Variants in PCDHA7 observed in about 807,000 individuals in gnomAD.
The protein encoded by PCDHA7 is protocadherin alpha 7.
In PCDHA7, 37 loss-of-function variants were observed where a neutral mutation model predicts 57.2. That is an observed-to-expected ratio of 0.65 (90% CI 0.50 to 0.85). The LOEUF (loss-of-function observed/expected upper bound fraction) is 0.85, where lower values mean the gene tolerates loss of function less well. Among genes scored for constraint, PCDHA7 ranks in the 40% least tolerant of loss-of-function variants. The probability of loss-of-function intolerance (pLI) is 0.00; values close to 1 mark genes in which losing one functional copy is unlikely to be tolerated. For missense variants in PCDHA7, 1,188 were observed against 1,241.8 expected (o/e 0.96, Z 0.65); for synonymous variants, 553 against 558.8 (o/e 0.99, Z 0.15).
chr5:140,920,530 G>T (rs2079676121), intron 1 of PCDHA7, among the ~76,000 whole-genome samples: 1 of 152,148 alleles, frequency 6.6e-6, no homozygotes, highest in African/African-American at 2.4e-5. Context: ...GTTAGACTCA[G>T]GTTTTCTATT....
chr5:140,925,427 G>A (rs1394500937), intron 1 of PCDHA7, among the ~76,000 whole-genome samples: 2 of 152,012 alleles, frequency 1.3e-5, no homozygotes, highest in Non-Finnish European at 2.9e-5. Context: ...CTGGTTGTAG[G>A]GTGTTAGGCA....
chr5:140,868,994 A>C, intron 1 of PCDHA7: 1 of 1,510,848 alleles, frequency 6.6e-7, no homozygotes, highest in Non-Finnish European at 8.8e-7. Context: ...GCCACCGTTT[A>C]AGGATCCTTT....
intron 1 of PCDHA7, chr5:140,852,359 C>T (rs2042307858): frequency 1.5e-5 from 3 of 204,042 alleles, no homozygotes; most frequent in Non-Finnish European, 1.9e-5. Flanking sequence ...CTCACTGCAA[C>T]GTCTGCCTCC....
intron 1 of PCDHA7, among the ~76,000 whole-genome samples, chr5:140,906,117 C>A (rs1554192403): frequency 6.6e-6 from 1 of 152,180 alleles, no homozygotes; most frequent in Non-Finnish European, 1.5e-5. Flanking sequence ...AGTCCACTGA[C>A]ACAAATGTTA....
chr5:140,856,592 A>G lies in PCDHA7; in HGVS notation c.2355+19854A>G, dbSNP rs782076669. The G allele has an allele frequency of 1.2e-5, 19 of 1,597,836 alleles. 1 individual carries two copies. The highest frequency in any genetic ancestry group is 8.6e-6 in the Non-Finnish European group (10 of 1,167,414). On this transcript the variant is annotated intron_variant, in intron 1 of 3. Transcript: ENST00000525929. ...AAATGAGTATTTTGTTCTTGATATTATAAACAAAAAAGACAAAGACAAATT... is the reference window on the plus strand; with the variant it reads ...AAATGAGTATTTTGTTCTTGATATTGTAAACAAAAAAGACAAAGACAAATT...
chr5:140,922,257 G>A (rs2080747240), intron 1 of PCDHA7, among the ~76,000 whole-genome samples: 5 of 152,172 alleles, frequency 3.3e-5, no homozygotes, highest in Admixed American at 3.3e-4. Context: ...AAGTTACTAA[G>A]TGCCATGAAG....
At chr5:140,876,906 G>T (rs782762108) in intron 1 of PCDHA7, 13 of 1,613,908 alleles carry the variant, frequency 8.1e-6, no homozygotes, top group South Asian at 2.2e-5. Flanking sequence ...TCACGGTGTC[G>T]GCATGGGACG....
At chr5:140,857,653 C>A (rs1466552947) in intron 1 of PCDHA7, 6 of 1,596,508 alleles carry the variant, frequency 3.8e-6, no homozygotes, top group Non-Finnish European at 5.1e-6. Flanking sequence ...TCCAGGTGAG[C>A]GCGCGCGATG....
At chr5:140,861,033 G>A (rs1443263351) in intron 1 of PCDHA7, 1 of 152,266 alleles carries the variant, frequency 6.6e-6, no homozygotes, top group Non-Finnish European at 1.5e-5. Flanking sequence ...CCGGCCGAAA[G>A]GTATTTTTTT....
intron 3 of PCDHA7, among the ~76,000 whole-genome samples, chr5:140,991,446 A>G (rs782325342): frequency 6.6e-6 from 1 of 152,202 alleles, no homozygotes; most frequent in Non-Finnish European, 1.5e-5. Flanking sequence ...ATGGCTTAAA[A>G]CAACACAATG....
At chr5:140,942,618 G>A (rs2093340526) in intron 1 of PCDHA7, among the ~76,000 whole-genome samples, 1 of 97,740 alleles carries the variant, frequency 1.0e-5, no homozygotes. Context: ...TTTGCCAATT[G>A]TAAAAAAAAA....
At chr5:140,857,896 T>C in intron 1 of PCDHA7, 1 of 1,597,704 alleles carries the variant, frequency 6.3e-7, no homozygotes, top group Non-Finnish European at 8.6e-7. Flanking sequence ...CGGCGGTTGG[T>C]GCACGCATCC....
chr5:140,934,305 A>T, intron 1 of PCDHA7, among the ~76,000 whole-genome samples: 1 of 152,150 alleles, frequency 6.6e-6, no homozygotes, highest in African/African-American at 2.4e-5. Flanking sequence ...TATTTTTCTT[A>T]CTGCAAATGT....
At chr5:140,889,263 GTA>G (rs1262739748) in intron 1 of PCDHA7, among the ~76,000 whole-genome samples, 1 of 151,748 alleles carries the variant, frequency 6.6e-6, no homozygotes, top group Admixed American at 6.6e-5. Flanking sequence ...GTAAAAGTTT[GTA>G]TAATCTTTGA....
chr5:140,969,554 T>C (rs2096342030), intron 1 of PCDHA7: 12 of 1,222,074 alleles, frequency 9.8e-6, no homozygotes, highest in Non-Finnish European at 1.3e-5. Context: ...TGAAGCCTTG[T>C]CCATAAAATT....
Position 140,857,572 on chromosome 5 carries a change from G to T in PCDHA7, c.2355+20834G>T, listed in dbSNP as rs144978636. On this transcript the variant is annotated intron_variant, in intron 1 of 3. Coordinates refer to ENST00000525929, the MANE Select transcript of PCDHA7 (RefSeq NM_018910.3). Reference sequence around the variant, plus strand: ...AGCGCTCGCTGTCGAGCTACGTGTCGGTGCACGCGGAGAGCGGCAAGGTGT... The same window carrying T: ...AGCGCTCGCTGTCGAGCTACGTGTCTGTGCACGCGGAGAGCGGCAAGGTGT... 1.0e-5 allele frequency: 16 copies of T among 1,596,716 alleles called. 2 individuals carry two copies. The highest frequency in any genetic ancestry group is 1.4e-5 in the Non-Finnish European group (16 of 1,167,664).
chr5:140,967,087 G>A (rs782556858), intron 1 of PCDHA7: 5 of 1,613,256 alleles, frequency 3.1e-6, no homozygotes, highest in South Asian at 1.1e-5. Flanking sequence ...GCATTGATCG[G>A]GAGGCGCTGT....
intron 1 of PCDHA7, among the ~76,000 whole-genome samples, chr5:140,855,122 G>C (rs1327374532): frequency 1.3e-5 from 2 of 149,706 alleles, no homozygotes; most frequent in African/African-American, 4.9e-5. Flanking sequence ...CATTCTATAG[G>C]TAATAATTTT....
chr5:140,909,585 T>C (rs1554193854), intron 1 of PCDHA7, among the ~76,000 whole-genome samples: 1 of 152,180 alleles, frequency 6.6e-6, no homozygotes, highest in Non-Finnish European at 1.5e-5. Context: ...GATATGTTTT[T>C]TGATTTACTA....
Sources: gnomAD v4.1 joint callset for allele counts (sites outside exome capture counted in the v4.1 genomes callset) on GRCh38, gnomAD v4.1.1 for gene constraint, MANE v1.5 for transcripts, NCBI Gene and HGNC (gene_info 2026-07-23, HGNC 2026-07-21) for gene names.